FREM1: variants seen among roughly 807,000 people sequenced by gnomAD.
The protein encoded by FREM1 is FRAS1-related extracellular matrix protein 1.
FREM1 carries 220 observed loss-of-function variants against 210.1 expected under a neutral mutation model. That is an observed-to-expected ratio of 1.05 (90% CI 0.94 to 1.17). FREM1 has a LOEUF of 1.17. FREM1 is among the 50% of genes most tolerant of loss of function. FREM1 has a pLI of 0.00. For synonymous variants in FREM1, 1,189 were observed against 980.2 expected, an observed-to-expected ratio of 1.21 and a Z score of -3.98; for missense variants, 3,454 against 2,675.5, an observed-to-expected ratio of 1.29 and a Z score of -6.42.
In FREM1 at chr9:14,740,305, A is replaced by C. The variant is rs1204713175; in HGVS notation, c.6255-71T>G. The stretch of plus-strand genomic sequence containing the variant: ...TTTCTGCTGATACGAAATGCATAAC[A>C]GAAATAAAAGTAAGTTTAAAATACA... On this transcript the variant is annotated intron_variant, in intron 35 of 36. Coordinates refer to ENST00000380880, the MANE Select transcript of FREM1 (RefSeq NM_001379081.2). The C allele has an allele frequency of 8.4e-6, 9 of 1,071,600 alleles. No homozygotes were observed. In the East Asian group the frequency reaches 1.9e-4, roughly 23 times the overall value. The allele number at this position is 1,071,600 out of a possible 1,614,324, so 66.4% of individuals were successfully genotyped here. A position where few individuals can be genotyped will look rare whatever the true frequency, so the allele number is the denominator to read the frequency against.
intron 24 of FREM1, 55 bp from the exon 25 acceptor site, chr9:14,776,258 T>G: frequency 6.7e-7 from 1 of 1,490,002 alleles, no homozygotes; most frequent in Non-Finnish European, 8.9e-7. Context: ...CACCATCTAC[T>G]GGAATGAAAT....
intron 24 of FREM1, among the ~76,000 whole-genome samples, chr9:14,781,535 C>A (rs1360796921): frequency 6.6e-6 from 1 of 152,092 alleles, no homozygotes; most frequent in East Asian, 1.9e-4. Context: ...TGAATACTTG[C>A]AAGCATAAAA....
intron 31 of FREM1, 124 bp downstream of exon 31, chr9:14,748,277 C>A: frequency 1.6e-6 from 1 of 642,882 alleles, no homozygotes; most frequent in East Asian, 2.7e-5. Context: ...TGCAAGGAAC[C>A]ATGGCCCCCA....
chr9:14,859,966 GCATATT>G (rs1175903254), intron 3 of FREM1, among the ~76,000 whole-genome samples: 1 of 152,106 alleles, frequency 6.6e-6, no homozygotes, highest in African/African-American at 2.4e-5. Context: ...CATGTAAAAA[GCATATT>G]CAGCAATTGC....
intron 1 of FREM1, among the ~76,000 whole-genome samples, chr9:14,880,558 C>T (rs1483755496): frequency 4.8e-5 from 7 of 145,094 alleles, no homozygotes; most frequent in Admixed American, 2.1e-4. Context: ...GGGCCGAGAT[C>T]GTGCCACTGC....
At chr9:14,756,263 C>T in intron 29 of FREM1, 111 bp downstream of exon 29, 1 of 764,104 alleles carries the variant, frequency 1.3e-6, no homozygotes, top group Non-Finnish European at 2.1e-6. Flanking sequence ...TGAGGAGTTT[C>T]TAGTTGGCTA....
chr9:14,859,980 T>C (rs1396336034), intron 3 of FREM1, among the ~76,000 whole-genome samples: 1 of 152,140 alleles, frequency 6.6e-6, no homozygotes, highest in Non-Finnish European at 1.5e-5. Flanking sequence ...ATTCAGCAAT[T>C]GCCACTTCCA....
At chr9:14,863,739 A>C (rs1432751437) in intron 3 of FREM1, 70 bp downstream of exon 3, 8 of 904,820 alleles carry the variant, frequency 8.8e-6, no homozygotes, top group Non-Finnish European at 1.4e-5. Flanking sequence ...ACATATCCAC[A>C]AGAAAAGCCC....
At chr9:14,835,171 G>T (rs1302459477) in intron 10 of FREM1, among the ~76,000 whole-genome samples, 1 of 152,120 alleles carries the variant, frequency 6.6e-6, no homozygotes, top group African/African-American at 2.4e-5. Flanking sequence ...TTTAACTTTC[G>T]CTTGGAATAT....
At chr9:14,882,209 G>C (rs1039452299) in intron 1 of FREM1, among the ~76,000 whole-genome samples, 6 of 152,004 alleles carry the variant, frequency 3.9e-5, no homozygotes, top group African/African-American at 1.2e-4. Flanking sequence ...TCACTAATCA[G>C]CTAAAGATTT....
In FREM1 at chr9:14,836,880, T is replaced by C. The variant is rs1215956286; in HGVS notation, c.1881+4567A>G. ...AGTGTGATATTGCCGCAGGGAGGAA[T>C]GTGGTAGGAGTTATTAAGAAAAAGA... On this transcript the variant is annotated intron_variant, in intron 10 of 36. Coordinates refer to ENST00000380880, the MANE Select transcript of FREM1 (RefSeq NM_001379081.2). This position sits in a 1 kb window ranked among gnomAD's most constrained non-coding sequence, Gnocchi z 4.9. Among the ~76,000 whole-genome samples the C allele has an allele frequency of 6.6e-6, 1 of 152,086 alleles. No individual in the cohort carries two copies. The highest frequency in any genetic ancestry group is 6.5e-5 in the Admixed American group (1 of 15,268).
At chr9:14,878,222 C>T (rs1834129165) in intron 1 of FREM1, among the ~76,000 whole-genome samples, 1 of 152,082 alleles carries the variant, frequency 6.6e-6, no homozygotes, top group African/African-American at 2.4e-5. Flanking sequence ...CTGTTTCCCT[C>T]TTCTCTCTCT....
chr9:14,870,210 T>C (rs1393108670), intron 1 of FREM1, among the ~76,000 whole-genome samples: 2 of 152,234 alleles, frequency 1.3e-5, no homozygotes, highest in African/African-American at 2.4e-5. Flanking sequence ...CAGAAGGTTG[T>C]AGAAGAACAA....
Position 14,859,437 on chromosome 9 carries a change from T to G in FREM1, c.377A>C (p.Tyr126Ser). 1 of 1,613,924 alleles carries G rather than the reference T, an allele frequency of 6.2e-7. No homozygotes were observed. Among genetic ancestry groups the G allele is most frequent in the Non-Finnish European group, 8.5e-7 (1 of 1,179,818 alleles). The change falls in exon 4 of 37, where the codon TAT (tyrosine) becomes TCT (serine). Residue 126 changes from tyrosine (Y) to serine (S), a missense_variant. By Grantham distance (144) the Tyr-to-Ser change is moderately radical. Transcript: ENST00000380880. ...GATGTTACAGTCTGGTTCCAGGAGA[T>G]AGACCCACAGGATAAAAGTTTCTAT... ...TFIETFILWV[Y>S]LLEPDCNIIH...
intron 33 of FREM1, 63 bp downstream of exon 33, chr9:14,747,201 G>GT: frequency 1.3e-6 from 2 of 1,579,180 alleles, no homozygotes; most frequent in Non-Finnish European, 1.7e-6. Flanking sequence ...TGAATTAAGT[G>GT]TGTTTCTGGC....
chr9:14,904,336 C>A (rs1588684005), intron 1 of FREM1, among the ~76,000 whole-genome samples: 1 of 151,936 alleles, frequency 6.6e-6, no homozygotes, highest in Non-Finnish European at 1.5e-5. Flanking sequence ...CAAGCTTTAT[C>A]CAATTCACAG....
chr9:14,842,216 C>T (rs1006362336), intron 9 of FREM1, 100 bp downstream of exon 9: 4 of 733,498 alleles, frequency 5.5e-6, no homozygotes, highest in Non-Finnish European at 2.3e-6. Flanking sequence ...CACCTTAGGA[C>T]AAACTCGGAC....
chr9:14,833,653 A>G (rs1823994534), intron 10 of FREM1, among the ~76,000 whole-genome samples: 1 of 152,212 alleles, frequency 6.6e-6, no homozygotes. Context: ...TGGTGTAGCT[A>G]AAGTCAAGTA....
At chr9:14,806,064 G>C (rs1818286718) in intron 18 of FREM1, among the ~76,000 whole-genome samples, 1 of 152,040 alleles carries the variant, frequency 6.6e-6, no homozygotes. Context: ...GTTGCTATGA[G>C]GGCCTTTTAA....
Sources: gnomAD v4.1 joint callset for allele counts (sites outside exome capture counted in the v4.1 genomes callset) on GRCh38, gnomAD v4.1.1 for gene constraint, Gnocchi (gnomAD v3.1) non-coding constraint, MANE v1.5 for transcripts, NCBI Gene and HGNC (gene_info 2026-07-23, HGNC 2026-07-21) for gene names.